The following RBFOX1 variants were observed in gnomAD, a reference collection of about 807,000 sequenced individuals.
RBFOX1 encodes the protein RNA binding fox-1 homolog 1.
In RBFOX1, 8 loss-of-function variants were observed where a neutral mutation model predicts 57.7. That is an observed-to-expected ratio of 0.14 (90% CI 0.08 to 0.25). The LOEUF (loss-of-function observed/expected upper bound fraction) is 0.25, where lower values mean the gene tolerates loss of function less well. Among genes scored for constraint, RBFOX1 ranks in the 10% least tolerant of loss-of-function variants. RBFOX1 has a pLI of 1.00. For synonymous variants in RBFOX1, 326 were observed against 222.4 expected (o/e 1.47, Z -4.15); for missense variants, 611 against 548.5 (o/e 1.11, Z -1.14).
At chr16:6,189,263 C>G (rs972779122) in intron 1 of RBFOX1, among the ~76,000 whole-genome samples, 9 of 152,228 alleles carry the variant, frequency 5.9e-5, no homozygotes, top group Non-Finnish European at 1.2e-4. Flanking sequence ...CAGGGAGATA[C>G]AGAGAGCTTA....
intron 4 of RBFOX1, among the ~76,000 whole-genome samples, chr16:7,136,959 G>A (rs1272589196): frequency 6.6e-6 from 1 of 152,182 alleles, no homozygotes; most frequent in African/African-American, 2.4e-5. Context: ...CCATGGGCCA[G>A]GACTGGATGC....
chr16:5,655,534 C>T (rs2049397903), intron 3 of RBFOX1, among the ~76,000 whole-genome samples: 1 of 152,164 alleles, frequency 6.6e-6, no homozygotes, highest in Non-Finnish European at 1.5e-5. Context: ...CTTTAAATTC[C>T]TTCCCAGAAT....
intron 2 of RBFOX1, among the ~76,000 whole-genome samples, chr16:6,517,033 GA>G (rs2153792346): frequency 6.6e-6 from 1 of 152,262 alleles, no homozygotes; most frequent in African/African-American, 2.4e-5. Flanking sequence ...TCAACATAAT[GA>G]ATGTTCCTTT....
At chr16:6,808,032 GTA>G (rs1311450150) in intron 3 of RBFOX1, among the ~76,000 whole-genome samples, 1 of 149,804 alleles carries the variant, frequency 6.7e-6, no homozygotes, top group African/African-American at 2.5e-5. Flanking sequence ...TATACCTTGT[GTA>G]TATGTATATA....
rs184195606 is a variant in RBFOX1, at chr16:6,002,449, C to T, written c.351+135114C>T. Among the ~76,000 whole-genome samples, 4 of 152,316 alleles carry T rather than the reference C, an allele frequency of 2.6e-5. No homozygotes were observed. The East Asian group carries it at 7.7e-4, about 29-fold the overall frequency. On this transcript the variant is annotated intron_variant, in intron 4 of 19. Coordinates refer to the RBFOX1 transcript ENST00000641259. The stretch of plus-strand genomic sequence containing the variant: ...CAAGACTCACTTTCCACATGGCATG[C>T]ACCTTTGCATTTTGAACTGATTTTG...
chr16:6,841,520 A>G (rs1280954397), intron 3 of RBFOX1, among the ~76,000 whole-genome samples: 2 of 152,174 alleles, frequency 1.3e-5, no homozygotes, highest in Non-Finnish European at 2.9e-5. Context: ...GATTTTCTGA[A>G]CAACCTAACC....
chr16:7,483,045 G>A (rs1279887631), intron 4 of RBFOX1, among the ~76,000 whole-genome samples: 1 of 152,120 alleles, frequency 6.6e-6, no homozygotes, highest in Non-Finnish European at 1.5e-5. Flanking sequence ...GAACACCGTG[G>A]GAGGAGAGGG....
At chr16:6,067,212 A>G (rs1221855091) in intron 1 of RBFOX1, among the ~76,000 whole-genome samples, 1 of 152,174 alleles carries the variant, frequency 6.6e-6, no homozygotes, top group Non-Finnish European at 1.5e-5. Flanking sequence ...ATTCTTACCT[A>G]CAGGGCATGC....
At chr16:6,086,639 G>C (rs892011670) in intron 1 of RBFOX1, among the ~76,000 whole-genome samples, 3 of 152,178 alleles carry the variant, frequency 2.0e-5, no homozygotes, top group Non-Finnish European at 4.4e-5. Flanking sequence ...CATTATATCT[G>C]AACTCATATC....
chr16:6,193,384 T>TATATA (rs2097156305), intron 1 of RBFOX1, among the ~76,000 whole-genome samples: 9 of 47,722 alleles, frequency 1.9e-4, no homozygotes, highest in African/African-American at 5.2e-4. Context: ...ATACATTATA[T>TATATA]ATATATACTA....
At chr16:5,529,769 TG>T (rs1401021217) in intron 2 of RBFOX1, among the ~76,000 whole-genome samples, 1 of 152,100 alleles carries the variant, frequency 6.6e-6, no homozygotes, top group East Asian at 1.9e-4. Flanking sequence ...GGTTTCACCA[TG>T]TTAGCCAGGG....
At chr16:6,049,535 A>G (rs1343053077) in intron 1 of RBFOX1, among the ~76,000 whole-genome samples, 1 of 152,156 alleles carries the variant, frequency 6.6e-6, no homozygotes, top group Non-Finnish European at 1.5e-5. Flanking sequence ...GTTTTCTTAA[A>G]TATTTCAGGT....
chr16:6,633,335 C>G (rs372404404), intron 2 of RBFOX1, among the ~76,000 whole-genome samples: 11 of 152,016 alleles, frequency 7.2e-5, no homozygotes, highest in Non-Finnish European at 8.8e-5. Context: ...TGGAATGCAG[C>G]GGCACGATCT....
intron 4 of RBFOX1, among the ~76,000 whole-genome samples, chr16:7,198,527 C>A (rs913439996): frequency 3.3e-5 from 5 of 152,176 alleles, no homozygotes; most frequent in African/African-American, 7.2e-5. Flanking sequence ...AACAGAATAT[C>A]TAAGACTGGG....
chr16:5,891,712 G>T (rs1330161871), intron 4 of RBFOX1, among the ~76,000 whole-genome samples: 1 of 152,142 alleles, frequency 6.6e-6, no homozygotes, highest in East Asian at 1.9e-4. Context: ...CACCTGGGGA[G>T]AAAGGAACAG....
intron 2 of RBFOX1, among the ~76,000 whole-genome samples, chr16:5,594,052 C>G (rs1283869026): frequency 6.6e-6 from 1 of 151,942 alleles, no homozygotes; most frequent in Non-Finnish European, 1.5e-5. Context: ...TGGCTTGGAG[C>G]TTTGCACAAT....
At chr16:5,590,765 C>T (rs2046981617) in intron 2 of RBFOX1, among the ~76,000 whole-genome samples, 2 of 152,162 alleles carry the variant, frequency 1.3e-5, no homozygotes, top group African/African-American at 4.8e-5. Flanking sequence ...GTGGGATTTG[C>T]CAGCTTGCCT....
At chr16:6,961,141 A>G (rs1489842563) in intron 3 of RBFOX1, among the ~76,000 whole-genome samples, 2 of 148,488 alleles carry the variant, frequency 1.3e-5, no homozygotes, top group African/African-American at 5.1e-5. Context: ...TCCATCACAC[A>G]CACCCACACA....
chr16:7,301,892 C>G (rs1237089918), intron 4 of RBFOX1, among the ~76,000 whole-genome samples: 3 of 152,072 alleles, frequency 2.0e-5, no homozygotes, highest in South Asian at 2.1e-4. Context: ...GTGACTTTCT[C>G]TTTAGTTTTG....
Sources: gnomAD v4.1 joint callset for allele counts (sites outside exome capture counted in the v4.1 genomes callset) on GRCh38, gnomAD v4.1.1 for gene constraint, MANE v1.5 for transcripts, NCBI Gene and HGNC (gene_info 2026-07-23, HGNC 2026-07-21) for gene names.